The following DLG2 variants were observed in gnomAD, a reference collection of about 807,000 sequenced individuals.
The protein encoded by DLG2 is discs large MAGUK scaffold protein 2, also known as disks large homolog 2.
A neutral mutation model predicts 132.5 loss-of-function variants in DLG2; 45 were observed. That is an observed-to-expected ratio of 0.34 (90% CI 0.27 to 0.44). DLG2 has a LOEUF of 0.44. Ranked by LOEUF, DLG2 falls within the 20% of genes least tolerant of loss-of-function variation. DLG2 has a pLI of 1.00. For missense variants in DLG2, 1,045 were observed against 1,196.9 expected (o/e 0.87, Z 1.87); for synonymous variants, 424 against 419.6 (o/e 1.01, Z -0.13).
At chr11:84,768,215 G>C (rs147337727) in intron 6 of DLG2, among the ~76,000 whole-genome samples, 2 of 152,260 alleles carry the variant, frequency 1.3e-5, no homozygotes, top group Admixed American at 6.5e-5. Flanking sequence ...CCTACCCCAA[G>C]ATGTCACTAT....
chr11:84,987,310 T>G lies in DLG2; in HGVS notation c.357+124351A>C, dbSNP rs1319469864. On this transcript the variant is annotated intron_variant, in intron 6 of 27. Transcript: ENST00000376104. Reference sequence around the variant, plus strand: ...ATCCCATGCTCATGATTAGGTAGAATCAATATTGTGAAAATGACAAATGAC... The same window carrying G: ...ATCCCATGCTCATGATTAGGTAGAAGCAATATTGTGAAAATGACAAATGAC... 2.0e-5 allele frequency among the ~76,000 whole-genome samples: 3 copies of G among 152,102 alleles called. No individual in the cohort carries two copies. In the East Asian group the frequency reaches 5.8e-4, roughly 29 times the overall value.
At chr11:85,122,126 T>C (rs2074396812) in intron 5 of DLG2, among the ~76,000 whole-genome samples, 1 of 152,144 alleles carries the variant, frequency 6.6e-6, no homozygotes, top group African/African-American at 2.4e-5. Flanking sequence ...CAGCTATAAA[T>C]ACAACTAAGA....
intron 7 of DLG2, among the ~76,000 whole-genome samples, chr11:84,502,226 C>CTTT (rs373725351): frequency 5.2e-5 from 1 of 19,066 alleles, no homozygotes; most frequent in Non-Finnish European, 9.4e-5. Context: ...TTCCTTCCTT[C>CTTT]CTTCCTTCCT....
At chr11:83,767,110 C>T (rs76663974) in intron 18 of DLG2, among the ~76,000 whole-genome samples, 6,107 of 152,228 alleles carry the variant, frequency 0.04, 159 homozygotes, top group Non-Finnish European at 0.06. Context: ...TCCTTAATTT[C>T]GTCACATCTG....
chr11:85,195,531 T>G (rs1595274815), intron 4 of DLG2, among the ~76,000 whole-genome samples: 1 of 151,232 alleles, frequency 6.6e-6, no homozygotes, highest in South Asian at 2.1e-4. Flanking sequence ...GTGTTTTTTT[T>G]TTTTTTTTTT....
chr11:83,792,987 G>C (rs968452952), intron 17 of DLG2, among the ~76,000 whole-genome samples: 3 of 152,040 alleles, frequency 2.0e-5, no homozygotes, highest in African/African-American at 7.2e-5. Context: ...ATTCTGATAG[G>C]TAAACAATTT....
intron 8 of DLG2, among the ~76,000 whole-genome samples, chr11:84,241,300 T>A (rs1348489017): frequency 6.6e-6 from 1 of 152,224 alleles, no homozygotes. Flanking sequence ...GAAGTTTACA[T>A]TCTAGAGAGA....
chr11:84,671,846 G>C (rs1455066616), intron 6 of DLG2, among the ~76,000 whole-genome samples: 1 of 152,104 alleles, frequency 6.6e-6, no homozygotes. Context: ...CTGGCTCCCA[G>C]TAAATTTGTG....
At chr11:84,664,548 G>C (rs147296607) in intron 6 of DLG2, among the ~76,000 whole-genome samples, 3 of 152,066 alleles carry the variant, frequency 2.0e-5, no homozygotes, top group Admixed American at 2.0e-4. Context: ...ACCACATATT[G>C]TAACATGTGG....
intron 6 of DLG2, among the ~76,000 whole-genome samples, chr11:84,877,660 G>A (rs2086597401): frequency 6.6e-6 from 1 of 151,780 alleles, no homozygotes; most frequent in Non-Finnish European, 1.5e-5. Flanking sequence ...CGATTTGCCA[G>A]TCCATGTCTT....
At chr11:84,398,708 CAAAAT>C (rs1362295942) in intron 7 of DLG2, among the ~76,000 whole-genome samples, 1 of 152,036 alleles carries the variant, frequency 6.6e-6, no homozygotes, top group Non-Finnish European at 1.5e-5. Context: ...CAGTGTGAAA[CAAAAT>C]AAACCATTCA....
At chr11:85,156,274 T>C (rs2077580900) in intron 4 of DLG2, among the ~76,000 whole-genome samples, 1 of 152,224 alleles carries the variant, frequency 6.6e-6, no homozygotes, top group South Asian at 2.1e-4. Flanking sequence ...TGTCTACATG[T>C]ATGTGTTTAT....
At position 85,185,884 on chromosome 11, in the gene DLG2, G is replaced by A. The variant is rs546501733; in HGVS notation, c.187-31233C>T. ...GCCATGTAAGGTAGATATAATTACC[G>A]CCACTTCTCTATTTCATAGGTAAGG... is the stretch of plus-strand genomic sequence containing the variant. On this transcript the variant is annotated intron_variant, in intron 4 of 27. Transcript: ENST00000376104. Among the ~76,000 whole-genome samples, 196 of 151,884 alleles carry A rather than the reference G, an allele frequency of 1.3e-3. 1 individual carries two copies. Among genetic ancestry groups the A allele is most frequent in the African/African-American group, 4.3e-3 (180 of 41,470 alleles).
chr11:85,416,758 T>C (rs1464364938), intron 3 of DLG2, among the ~76,000 whole-genome samples: 1 of 152,188 alleles, frequency 6.6e-6, no homozygotes, highest in African/African-American at 2.4e-5. Context: ...ATTGTTGGTG[T>C]GTAGAAATGC....
intron 6 of DLG2, among the ~76,000 whole-genome samples, chr11:84,970,647 G>A (rs185989393): frequency 6.6e-6 from 1 of 152,216 alleles, no homozygotes; most frequent in Non-Finnish European, 1.5e-5. Context: ...CCCTTTAGGG[G>A]TTAGGACTTC....
At chr11:84,834,425 A>G (rs574479546) in intron 6 of DLG2, among the ~76,000 whole-genome samples, 1 of 151,708 alleles carries the variant, frequency 6.6e-6, no homozygotes, top group Non-Finnish European at 1.5e-5. Flanking sequence ...CCTCTTCCCT[A>G]ATGTTAAAAA....
chr11:83,842,269 C>T (rs750350647), intron 16 of DLG2, among the ~76,000 whole-genome samples: 12 of 152,118 alleles, frequency 7.9e-5, no homozygotes, highest in East Asian at 3.9e-4. Flanking sequence ...TCTCTCTTTA[C>T]GGCAGATGGT....
intron 6 of DLG2, among the ~76,000 whole-genome samples, chr11:84,789,872 T>G (rs150018972): frequency 6.6e-6 from 1 of 152,184 alleles, no homozygotes; most frequent in Non-Finnish European, 1.5e-5. Context: ...TCACTTAATA[T>G]AATGACCTCC....
intron 2 of DLG2, among the ~76,000 whole-genome samples, chr11:85,617,245 T>C (rs1411531005): frequency 2.0e-5 from 3 of 152,214 alleles, no homozygotes; most frequent in African/African-American, 2.4e-5. Flanking sequence ...TCGATGATGA[T>C]GATAACACAG....
Sources: gnomAD v4.1 joint callset for allele counts (sites outside exome capture counted in the v4.1 genomes callset) on GRCh38, gnomAD v4.1.1 for gene constraint, MANE v1.5 for transcripts, NCBI Gene and HGNC (gene_info 2026-07-23, HGNC 2026-07-21) for gene names.